SIPA1L1: variants seen among roughly 807,000 people sequenced by gnomAD.
SIPA1L1 encodes the protein signal induced proliferation associated 1 like 1, also known as signal-induced proliferation-associated 1-like protein 1.
SIPA1L1 carries 26 observed loss-of-function variants against 162.7 expected under a neutral mutation model. The observed-to-expected ratio is 0.16, with a 90% CI of 0.12 to 0.22. The LOEUF (loss-of-function observed/expected upper bound fraction) is 0.22, where lower values mean the gene tolerates loss of function less well. SIPA1L1 is among the 10% of genes least tolerant of loss of function. The pLI, the probability that SIPA1L1 is intolerant of heterozygous loss-of-function variation, is 1.00. For synonymous variants in SIPA1L1, 829 were observed against 837.4 expected (o/e 0.99, Z 0.17); for missense variants, 1,874 against 2,241.0 (o/e 0.84, Z 3.31).
chr14:71,508,513 G>A (rs2050857783), intron 2 of SIPA1L1, among the ~76,000 whole-genome samples: 1 of 152,204 alleles, frequency 6.6e-6, no homozygotes. Flanking sequence ...AGAAGCCAAA[G>A]AAGTGATTTT....
intron 11 of SIPA1L1, among the ~76,000 whole-genome samples, chr14:71,671,901 CTGTGTGTGTGTGTGTGTGTGTGTGTGTG>C (rs34919280): frequency 2.1e-5 from 3 of 142,592 alleles, no homozygotes; most frequent in Non-Finnish European, 1.5e-5. Context: ...CACATTTACT[CTGTGTGTGTGTGTGTGTGTGTGTGTGTG>C]TGTGTGTGTG....
intron 2 of SIPA1L1, among the ~76,000 whole-genome samples, chr14:71,492,548 A>G (rs1477237248): frequency 6.6e-6 from 1 of 151,990 alleles, no homozygotes; most frequent in Non-Finnish European, 1.5e-5. Flanking sequence ...GATATAAACA[A>G]CCTCTGCTGT....
intron 2 of SIPA1L1, chr14:71,398,496 C>T (rs1466573367): frequency 6.6e-6 from 1 of 152,158 alleles, no homozygotes; most frequent in East Asian, 1.9e-4. Flanking sequence ...AAGTTTCATT[C>T]AGATTAATGT....
intron 2 of SIPA1L1, among the ~76,000 whole-genome samples, chr14:71,427,324 T>G (rs1170250231): frequency 6.6e-6 from 1 of 152,176 alleles, no homozygotes; most frequent in Non-Finnish European, 1.5e-5. Context: ...ATAGGTTTGT[T>G]TGTTTGTTTT....
At chr14:71,599,871 A>T (rs1056713980) in intron 5 of SIPA1L1, among the ~76,000 whole-genome samples, 25 of 152,054 alleles carry the variant, frequency 1.6e-4, no homozygotes, top group African/African-American at 5.8e-4. Context: ...ATAATTAGTG[A>T]TGTTGAGCAT....
At chr14:71,590,296 A>G (rs2035221353) in intron 5 of SIPA1L1, among the ~76,000 whole-genome samples, 1 of 151,974 alleles carries the variant, frequency 6.6e-6, no homozygotes, top group African/African-American at 2.4e-5. Flanking sequence ...CACGAAGGAC[A>G]TACCTCTGTG....
intron 2 of SIPA1L1, among the ~76,000 whole-genome samples, chr14:71,436,653 A>G (rs1169000675): frequency 1.3e-5 from 2 of 151,864 alleles, no homozygotes; most frequent in South Asian, 2.1e-4. Flanking sequence ...CATATTTTAT[A>G]CTATCTGGCA....
chr14:71,529,822 T>C (rs1260829627), intron 4 of SIPA1L1, among the ~76,000 whole-genome samples: 1 of 152,220 alleles, frequency 6.6e-6, no homozygotes, highest in Non-Finnish European at 1.5e-5. Context: ...CCTGTAATCC[T>C]TTTCTACCCA....
chr14:71,515,557 G>A (rs376146771), intron 3 of SIPA1L1, among the ~76,000 whole-genome samples: 1 of 152,140 alleles, frequency 6.6e-6, no homozygotes, highest in African/African-American at 2.4e-5. Flanking sequence ...ATGTCTCTAT[G>A]TAACTTACCA....
intron 2 of SIPA1L1, among the ~76,000 whole-genome samples, chr14:71,442,956 G>T (rs759395808): frequency 7.9e-5 from 12 of 151,988 alleles, no homozygotes; most frequent in Non-Finnish European, 1.8e-4. Flanking sequence ...CAAACAAAAA[G>T]ATTTGATAAT....
At chr14:71,561,046 T>C (rs182665174) in intron 4 of SIPA1L1, among the ~76,000 whole-genome samples, 2 of 152,366 alleles carry the variant, frequency 1.3e-5, no homozygotes, top group East Asian at 3.9e-4. Context: ...AATGAATTTA[T>C]GCTTTCTAAA....
At chr14:71,625,226 G>C (rs2039848800) in intron 7 of SIPA1L1, among the ~76,000 whole-genome samples, 1 of 151,666 alleles carries the variant, frequency 6.6e-6, no homozygotes, top group Non-Finnish European at 1.5e-5. Context: ...TCAGTTTTAA[G>C]GTATATTTAT....
At chr14:71,601,986 A>T in intron 5 of SIPA1L1, among the ~76,000 whole-genome samples, 6 of 136,976 alleles carry the variant, frequency 4.4e-5, no homozygotes, top group East Asian at 2.2e-4. Context: ...TGGTTTATTG[A>T]TTGTATTTGT....
At chr14:71,420,298 G>T (rs567576947) in intron 2 of SIPA1L1, among the ~76,000 whole-genome samples, 1 of 152,260 alleles carries the variant, frequency 6.6e-6, no homozygotes, top group South Asian at 2.1e-4. Context: ...GCCTTTAGTA[G>T]AAATATAGGT....
chr14:71,576,531 C>T (rs1490934222), intron 4 of SIPA1L1: 1 of 152,134 alleles, frequency 6.6e-6, no homozygotes, highest in East Asian at 1.9e-4. Flanking sequence ...CTATTTAATC[C>T]TAGGTGGACT....
At chr14:71,662,171 G>A (rs1428505882) in intron 10 of SIPA1L1, among the ~76,000 whole-genome samples, 1 of 152,166 alleles carries the variant, frequency 6.6e-6, no homozygotes, top group Non-Finnish European at 1.5e-5. Flanking sequence ...ATGGACATTT[G>A]GCGTATCTTT....
At position 71,591,244 on chromosome 14, in the gene SIPA1L1, C is replaced by T. The variant is rs369568610; in HGVS notation, c.1498+1874C>T. 9.2e-5 allele frequency among the ~76,000 whole-genome samples: 14 copies of T among 152,214 alleles called. No individual in the cohort carries two copies. In the East Asian group the frequency reaches 2.7e-3, roughly 29 times the overall value. On this transcript the variant is annotated intron_variant, in intron 5 of 23. Coordinates refer to ENST00000381232, the MANE Select transcript of SIPA1L1 (RefSeq NM_001386936.1). Reference sequence around the variant, plus strand: ...TTTGCTATGCCACATTTTCTCATTTCAATCTCTTGATGCCCAGGAAGGTAG... The same window carrying T: ...TTTGCTATGCCACATTTTCTCATTTTAATCTCTTGATGCCCAGGAAGGTAG...
chr14:71,614,288 C>G (rs1296282446), intron 5 of SIPA1L1, among the ~76,000 whole-genome samples: 1 of 151,388 alleles, frequency 6.6e-6, no homozygotes, highest in Non-Finnish European at 1.5e-5. Context: ...GCTCCTGTAC[C>G]AGAGGGTTAA....
intron 2 of SIPA1L1, among the ~76,000 whole-genome samples, chr14:71,456,098 T>A (rs2046167651): frequency 6.6e-6 from 1 of 152,188 alleles, no homozygotes; most frequent in African/African-American, 2.4e-5. Flanking sequence ...GTCTAAACAG[T>A]TTTTAACAAT....
Sources: gnomAD v4.1 joint callset for allele counts (sites outside exome capture counted in the v4.1 genomes callset) on GRCh38, gnomAD v4.1.1 for gene constraint, MANE v1.5 for transcripts, NCBI Gene and HGNC (gene_info 2026-07-23, HGNC 2026-07-21) for gene names.